Variants in APOBR observed in about 807,000 individuals in gnomAD.
The protein encoded by APOBR is apolipoprotein B receptor, also known as apoB-48R.
Under a neutral mutation model 88.5 loss-of-function variants are expected in APOBR, and 57 were observed. The ratio of observed to expected loss-of-function variants is 0.64; its 90% confidence interval spans 0.52 to 0.80. APOBR has a LOEUF of 0.80. Ranked by LOEUF, APOBR falls within the 30% of genes least tolerant of loss-of-function variation. APOBR has a pLI of 0.00. For missense variants in APOBR, 1,443 were observed against 1,401.6 expected (o/e 1.03, Z -0.47); for synonymous variants, 588 against 572.7 (o/e 1.03, Z -0.38).
chr16:28,497,813 GA>G lies in APOBR; in HGVS notation c.2773del (p.Thr925ProfsTer69). On this transcript the variant is annotated frameshift_variant, in exon 2 of 4. Coordinates refer to ENST00000564831, the MANE Select transcript of APOBR (RefSeq NM_018690.4). LOFTEE classifies it high-confidence loss of function. ...RLLDAEGLMV[T>X]GGRRAEAKET... ...TCCTTGATGCAGAGGGTCTCATGGTGACCGGGGGCCGGAGGGCAGAGGCCAA... is the reference window on the plus strand; with the variant it reads ...TCCTTGATGCAGAGGGTCTCATGGTGCCGGGGGCCGGAGGGCAGAGGCCAA... 6.2e-7 allele frequency: 1 copy of G among 1,606,860 alleles called. No individual in the cohort carries two copies. Among genetic ancestry groups the G allele is most frequent in the East Asian group, 2.2e-5 (1 of 44,612 alleles).
chr16:28,495,801 G>C lies in APOBR; in HGVS notation c.760G>C (p.Glu254Gln), dbSNP rs1276500669. Residue 254 changes from glutamate to glutamine, a missense_variant, in exon 2 of 4, where the codon GAG becomes CAG. Physicochemically the swap from Glu to Gln is conservative, Grantham distance 29. Transcript: ENST00000564831. ...AGKGEEVVVVEKACESTRAWG... is the reference protein window; with the variant it reads ...AGKGEEVVVVQKACESTRAWG... ...GAAAGGAGAAGAGGTGGTAGTGGTG[G>C]AGAAGGCCTGTGAAAGCACTAGGGC... is the stretch of plus-strand genomic sequence containing the variant. 1 of 1,597,968 alleles carries C rather than the reference G, an allele frequency of 6.3e-7. No homozygotes were observed. The highest frequency in any genetic ancestry group is 1.1e-5 in the South Asian group (1 of 88,494).
At position 28,496,133 on chromosome 16, in the gene APOBR, G is replaced by A; in HGVS notation, c.1092G>A (p.Gly364=). ...AGTASGGEEA[G]TASGGDEAWT... ...CAGCCTCAGGAGGGGAGGAGGCCGGGACAGCCTCAGGAGGGGACGAGGCCT... is the reference window on the plus strand; with the variant it reads ...CAGCCTCAGGAGGGGAGGAGGCCGGAACAGCCTCAGGAGGGGACGAGGCCT... Residue 364 remains glycine, a synonymous_variant, in exon 2 of 4, where the codon GGG becomes GGA. Coordinates refer to ENST00000564831, the MANE Select transcript of APOBR (RefSeq NM_018690.4). The A allele has an allele frequency of 1.3e-6, 2 of 1,531,840 alleles. No homozygotes were observed. The highest frequency in any genetic ancestry group is 1.8e-6 in the Non-Finnish European group (2 of 1,142,212). The allele number at this position is 1,531,840 out of a possible 1,614,324, so 94.9% of individuals were successfully genotyped here. A position where few individuals can be genotyped will look rare whatever the true frequency, so the allele number is the denominator to read the frequency against.
In APOBR at chr16:28,495,932, T is replaced by C. The variant is rs772015891; in HGVS notation, c.891T>C (p.Asp297=). ...GGGAAGAGGCCAGGGCAATTTTAGA[T>C]GGGGAGGAAGCCAGGACAATCTCAG... The part of the protein sequence containing the change: ...PGREEARAIL[D]GEEARTISGG... Residue 297 remains aspartate (D), a synonymous_variant, in exon 2 of 4, where the codon GAT becomes GAC. Coordinates refer to ENST00000564831, the MANE Select transcript of APOBR (RefSeq NM_018690.4). 6.2e-7 allele frequency: 1 copy of C among 1,607,264 alleles called. No homozygotes were observed. The highest frequency in any genetic ancestry group is 1.1e-5 in the South Asian group (1 of 90,752).
chr16:28,495,854 G>T lies in APOBR; in HGVS notation c.813G>T (p.Glu271Asp). 1 of 1,610,238 alleles carries T rather than the reference G, an allele frequency of 6.2e-7. No homozygotes were observed. Among genetic ancestry groups the T allele is most frequent in the Non-Finnish European group, 8.5e-7 (1 of 1,178,378 alleles). ...GGGGGACGTGGGGCCCAGGGGCAGA[G>T]CCTGAGGACTGGGGAATCTTAGGCA... ...RAWGTWGPGA[E>D]PEDWGILGRE... The change falls in exon 2 of 4, where the codon GAG becomes GAT. Residue 271 changes from glutamate to aspartate, a missense_variant. Physicochemically the swap from Glu to Asp is conservative, Grantham distance 45. Transcript: ENST00000564831.
Position 28,496,573 on chromosome 16 carries a change from A to G in APOBR, c.1532A>G (p.Asp511Gly), listed in dbSNP as rs765336104. ...GATCCAGTGGCTGAGCTGCCCTCAGATGGAGAGGCTGAAGGCACTGCCGAC... is the reference window on the plus strand; with the variant it reads ...GATCCAGTGGCTGAGCTGCCCTCAGGTGGAGAGGCTGAAGGCACTGCCGAC... The part of the protein sequence containing the change: ...SRDPVAELPS[D>G]GEAEGTADLE... The change falls in exon 2 of 4, where the codon GAT becomes GGT. Residue 511 changes from aspartate (D) to glycine (G), a missense_variant. Asp to Gly is a moderately conservative substitution (Grantham distance 94, BLOSUM62 -1). Transcript: ENST00000564831. The G allele has an allele frequency of 6.4e-7, 1 of 1,565,192 alleles. No individual in the cohort carries two copies. Among genetic ancestry groups the G allele is most frequent in the South Asian group, 1.2e-5 (1 of 83,024 alleles).
rs1280269044 is a variant in APOBR, at chr16:28,496,186, A to G, written c.1145A>G (p.Asp382Gly). Reference sequence around the variant, plus strand: ...ACAACCTCAGGCAAAGAGGAGGCTGACCTGCTGGGAGTCAGACAGACAGAA... The same window carrying G: ...ACAACCTCAGGCAAAGAGGAGGCTGGCCTGCTGGGAGTCAGACAGACAGAA... ...AWTTSGKEEA[D>G]LLGVRQTEYG... The change falls in exon 2 of 4, where the codon GAC becomes GGC. Residue 382 changes from aspartate (D) to glycine (G), a missense_variant. Asp to Gly is a moderately conservative substitution (Grantham distance 94, BLOSUM62 -1). Coordinates refer to ENST00000564831, the MANE Select transcript of APOBR (RefSeq NM_018690.4). 3.8e-6 allele frequency: 6 copies of G among 1,563,366 alleles called. No homozygotes were observed. Among genetic ancestry groups the G allele is most frequent in the Non-Finnish European group, 5.2e-6 (6 of 1,157,098 alleles).
Position 28,498,358 on chromosome 16 carries a change from A to G in APOBR, c.3224+9A>G. 1 of 1,596,144 alleles carries G rather than the reference A, an allele frequency of 6.3e-7. No homozygotes were observed. The highest frequency in any genetic ancestry group is 1.3e-5 in the African/African-American group (1 of 74,738). On this transcript the variant is annotated intron_variant, in intron 3 of 3. Coordinates refer to ENST00000564831, the MANE Select transcript of APOBR (RefSeq NM_018690.4). ...AGGCCCCTGGGACACGGGTAGGCAC[A>G]GGGCAACTCAGCTGGGGTGGGGAAG...
chr16:28,496,574 T>C lies in APOBR; in HGVS notation c.1533T>C (p.Asp511=), dbSNP rs1231023181. The C allele has an allele frequency of 2.6e-6, 4 of 1,564,624 alleles. No individual in the cohort carries two copies. The Admixed American group carries it at 7.5e-5, about 29-fold the overall frequency. ...ATCCAGTGGCTGAGCTGCCCTCAGA[T>C]GGAGAGGCTGAAGGCACTGCCGACT... is the stretch of plus-strand genomic sequence containing the variant. ...SRDPVAELPS[D]GEAEGTADLE... The change falls in exon 2 of 4, where the codon GAT becomes GAC. Residue 511 remains aspartate (D), a synonymous_variant. Transcript: ENST00000564831.
Position 28,495,438 on chromosome 16 carries a change from A to G in APOBR, c.397A>G (p.Ser133Gly), listed in dbSNP as rs1329669233. ...TAKAARCQEP[S>G]AHLEARKKSK... ...CAAGGCTGCCAGGTGCCAGGAGCCA[A>G]GCGCCCACTTGGAGGCCAGAAAGAA... The change falls in exon 2 of 4, where the codon AGC (serine) becomes GGC (glycine). Residue 133 changes from serine to glycine, a missense_variant. Physicochemically the swap from Ser to Gly is moderately conservative, Grantham distance 56 (BLOSUM62 0). Coordinates refer to ENST00000564831, the MANE Select transcript of APOBR (RefSeq NM_018690.4). 4 of 1,561,020 alleles carry G rather than the reference A, an allele frequency of 2.6e-6. No individual in the cohort carries two copies. Among genetic ancestry groups the G allele is most frequent in the African/African-American group, 2.7e-5 (2 of 73,486 alleles).
Position 28,497,316 on chromosome 16 carries a change from T to C in APOBR, c.2275T>C (p.Ser759Pro). ...LPDREDAQTGSVAAGIMGGDV... is the reference protein window; with the variant it reads ...LPDREDAQTGPVAAGIMGGDV... ...GGACCGTGAGGATGCACAGACTGGC[T>C]CTGTGGCTGCTGGGATTATGGGGGG... is the stretch of plus-strand genomic sequence containing the variant. The change falls in exon 2 of 4, where the codon TCT becomes CCT. Residue 759 changes from serine to proline, a missense_variant. Coordinates refer to ENST00000564831, the MANE Select transcript of APOBR (RefSeq NM_018690.4). 1 of 1,601,816 alleles carries C rather than the reference T, an allele frequency of 6.2e-7. No homozygotes were observed. Among genetic ancestry groups the C allele is most frequent in the Non-Finnish European group, 8.5e-7 (1 of 1,174,574 alleles).
Position 28,495,342 on chromosome 16 carries a change from TGGGGCTG to T in APOBR, c.305_311del (p.Gly102GlufsTer64), listed in dbSNP as rs1182255846. On this transcript the variant is annotated frameshift_variant, in exon 2 of 4. Coordinates refer to ENST00000564831, the MANE Select transcript of APOBR (RefSeq NM_018690.4). LOFTEE classifies it high-confidence loss of function. ...GGGGAGCTCAGCTGTAGAACAGACCTGGGGCTGGGGAGATGGCAGCTCCCATGGGTCC... is the reference window on the plus strand; with the variant it reads ...GGGGAGCTCAGCTGTAGAACAGACCTGGGAGATGGCAGCTCCCATGGGTCC... 3.9e-6 allele frequency: 6 copies of T among 1,556,652 alleles called. No homozygotes were observed. The highest frequency in any genetic ancestry group is 5.2e-6 in the Non-Finnish European group (6 of 1,151,136).
At position 28,497,819 on chromosome 16, in the gene APOBR, G is replaced by A. The variant is rs759858242; in HGVS notation, c.2778G>A (p.Gly926=). 40 of 1,607,312 alleles carry A rather than the reference G, an allele frequency of 2.5e-5. No individual in the cohort carries two copies. Among genetic ancestry groups the A allele is most frequent in the Non-Finnish European group, 3.2e-5 (38 of 1,177,184 alleles). Residue 926 remains glycine, a synonymous_variant, in exon 2 of 4, where the codon GGG becomes GGA. Transcript: ENST00000564831. ...ATGCAGAGGGTCTCATGGTGACCGG[G>A]GGCCGGAGGGCAGAGGCCAAGGAGA... is the stretch of plus-strand genomic sequence containing the variant. ...LLDAEGLMVT[G]GRRAEAKETE...
Position 28,496,853 on chromosome 16 carries a change from A to G in APOBR, c.1812A>G (p.Ala604=), listed in dbSNP as rs1434460611. The part of the protein sequence containing the change: ...SKEEQERSLE[A]GPRHAGSVKP... ...AGGAGCAGGAGAGGAGCCTGGAGGCAGGTCCCAGGCACGCGGGGTCTGTAA... is the reference window on the plus strand; with the variant it reads ...AGGAGCAGGAGAGGAGCCTGGAGGCGGGTCCCAGGCACGCGGGGTCTGTAA... Residue 604 remains alanine, a synonymous_variant, in exon 2 of 4, where the codon GCA becomes GCG. Transcript: ENST00000564831. 1.3e-6 allele frequency: 2 copies of G among 1,559,314 alleles called. No individual in the cohort carries two copies. Among genetic ancestry groups the G allele is most frequent in the East Asian group, 4.8e-5 (2 of 41,716 alleles).
At position 28,495,373 on chromosome 16, in the gene APOBR, C is replaced by G; in HGVS notation, c.332C>G (p.Ser111Cys). ...TGGGGAGATGGCAGCTCCCATGGGT[C>G]CCAAGCAGAGAGGCAGGACAGTGGG... ...WGWGDGSSHG[S>C]QAERQDSGAG... Residue 111 changes from serine to cysteine, a missense_variant, in exon 2 of 4, where the codon TCC becomes TGC. By Grantham distance (112) the Ser-to-Cys change is moderately radical (BLOSUM62 -1). Transcript: ENST00000564831. 6.4e-7 allele frequency: 1 copy of G among 1,562,312 alleles called. No individual in the cohort carries two copies. Among genetic ancestry groups the G allele is most frequent in the East Asian group, 2.4e-5 (1 of 42,186 alleles).
In APOBR at chr16:28,495,493, A is replaced by G. The variant is rs1454439606; in HGVS notation, c.452A>G (p.Asp151Gly). 1 of 1,567,786 alleles carries G rather than the reference A, an allele frequency of 6.4e-7. No homozygotes were observed. Among genetic ancestry groups the G allele is most frequent in the Admixed American group, 1.9e-5 (1 of 52,194 alleles). ...KSKAGSGACQ[D>G]RSGQAQERQE... ...AAGGCAGGGTCTGGGGCTTGCCAAG[A>G]CAGGAGCGGCCAAGCCCAGGAGAGG... Residue 151 changes from aspartate (D) to glycine (G), a missense_variant, in exon 2 of 4, where the codon GAC becomes GGC. Asp to Gly is a moderately conservative substitution (Grantham distance 94). Transcript: ENST00000564831.
chr16:28,498,132 C>T lies in APOBR; in HGVS notation c.3007C>T (p.His1003Tyr), dbSNP rs2046408330. The T allele has an allele frequency of 6.3e-7, 1 of 1,595,972 alleles. No individual in the cohort carries two copies. Among genetic ancestry groups the T allele is most frequent in the Non-Finnish European group, 8.5e-7 (1 of 1,176,778 alleles). The part of the protein sequence containing the change: ...LDVSVPRSRV[H>Y]LSRSSSQRRS... ...CGTCTCTGTCCCAAGGAGTCGCGTG[C>T]ACCTCTCGAGAAGCTCCTCACAGCG... Residue 1003 changes from histidine (H) to tyrosine (Y), a missense_variant, in exon 3 of 4, where the codon CAC becomes TAC. By Grantham distance (83) the His-to-Tyr change is moderately conservative. Coordinates refer to ENST00000564831, the MANE Select transcript of APOBR (RefSeq NM_018690.4).
At position 28,496,721 on chromosome 16, in the gene APOBR, A is replaced by C. The variant is rs753056200; in HGVS notation, c.1680A>C (p.Lys560Asn). 5 of 1,599,924 alleles carry C rather than the reference A, an allele frequency of 3.1e-6. No homozygotes were observed. Among genetic ancestry groups the C allele is most frequent in the Non-Finnish European group, 1.7e-6 (2 of 1,173,836 alleles). Residue 560 changes from lysine (K) to asparagine (N), a missense_variant, in exon 2 of 4, where the codon AAA becomes AAC. Physicochemically the swap from Lys to Asn is moderately conservative, Grantham distance 94 (BLOSUM62 0). Coordinates refer to ENST00000564831, the MANE Select transcript of APOBR (RefSeq NM_018690.4). Reference sequence around the variant, plus strand: ...GTGGCCTCACACACAGCGTCACCAAAGGCCAAGGACCTGAGCTGATGGGGG... The same window carrying C: ...GTGGCCTCACACACAGCGTCACCAACGGCCAAGGACCTGAGCTGATGGGGG... Reference protein sequence around the residue: ...EWGGLTHSVTKGQGPELMGGA... With the variant: ...EWGGLTHSVTNGQGPELMGGA...
In APOBR at chr16:28,497,161, CAG is replaced by C. The variant is rs1196321910; in HGVS notation, c.2121_2122del (p.Ala709ArgfsTer17). 1.2e-6 allele frequency: 2 copies of C among 1,605,202 alleles called. No individual in the cohort carries two copies. Among genetic ancestry groups the C allele is most frequent in the Non-Finnish European group, 1.7e-6 (2 of 1,176,388 alleles). On this transcript the variant is annotated frameshift_variant, in exon 2 of 4. Transcript: ENST00000564831. LOFTEE classifies it high-confidence loss of function. Reference sequence around the variant, plus strand: ...GAGAACCAGGAGCTGGACGGAAGCACAGGGGCAGACGCAGGGCCTTGCCCGTC... The same window carrying C: ...GAGAACCAGGAGCTGGACGGAAGCACGGGCAGACGCAGGGCCTTGCCCGTC...
Position 28,495,393 on chromosome 16 carries a change from A to G in APOBR, c.352A>G (p.Ser118Gly). The G allele has an allele frequency of 6.4e-7, 1 of 1,563,040 alleles. No homozygotes were observed. The highest frequency in any genetic ancestry group is 8.7e-7 in the Non-Finnish European group (1 of 1,154,118). The change falls in exon 2 of 4, where the codon AGT (serine) becomes GGT (glycine). Residue 118 changes from serine to glycine, a missense_variant. Coordinates refer to ENST00000564831, the MANE Select transcript of APOBR (RefSeq NM_018690.4). ...TGGGTCCCAAGCAGAGAGGCAGGACAGTGGGGCTGGGGAGACAGCCAAGGC... is the reference window on the plus strand; with the variant it reads ...TGGGTCCCAAGCAGAGAGGCAGGACGGTGGGGCTGGGGAGACAGCCAAGGC... ...SHGSQAERQDSGAGETAKAAR... is the reference protein window; with the variant it reads ...SHGSQAERQDGGAGETAKAAR...
Sources: allele counts gnomAD v4.1 joint callset, GRCh38; gene constraint gnomAD v4.1.1; transcripts MANE v1.5; gene names NCBI Gene and HGNC (gene_info 2026-07-23, HGNC 2026-07-21).